CASP4: variants seen among roughly 807,000 people sequenced by gnomAD.
CASP4 encodes caspase 4, also known as caspase-4.
CASP4 carries 29 observed loss-of-function variants against 41.3 expected under a neutral mutation model. The observed-to-expected ratio is 0.70, with a 90% CI of 0.52 to 0.96. CASP4 has a LOEUF of 0.96. CASP4 is among the 40% of genes least tolerant of loss of function. The pLI is 0.00. For missense variants in CASP4, 447 were observed against 460.6 expected, an observed-to-expected ratio of 0.97 and a Z score of 0.27; for synonymous variants, 185 against 158.4, an observed-to-expected ratio of 1.17 and a Z score of -1.26.
intron 1 of CASP4, among the ~76,000 whole-genome samples, chr11:104,965,030 C>T (rs1308263642): frequency 5.9e-5 from 9 of 152,162 alleles, no homozygotes; most frequent in Non-Finnish European, 1.3e-4. Flanking sequence ...AAAATAGGGT[C>T]TGGAGAGAAA....
chr11:104,958,805 A>G (rs1860793887), intron 1 of CASP4, among the ~76,000 whole-genome samples: 1 of 151,946 alleles, frequency 6.6e-6, no homozygotes, highest in Non-Finnish European at 1.5e-5. Flanking sequence ...TAGTAAAAAT[A>G]CAAAAATTAG....
intron 5 of CASP4, 23 bp from the exon 6 acceptor site, chr11:104,948,699 C>T (rs1165486599): frequency 1.3e-6 from 2 of 1,568,870 alleles, no homozygotes; most frequent in Middle Eastern, 3.4e-4. Context: ...TAACTTTCTG[C>T]ACACTGCTGT....
At chr11:104,967,736 GATTGCTGCGATATGTT>G (rs1190970051) in intron 1 of CASP4, among the ~76,000 whole-genome samples, 2 of 152,168 alleles carry the variant, frequency 1.3e-5, no homozygotes, top group African/African-American at 4.8e-5. Context: ...TATGACTACA[GATTGCTGCGATATGTT>G]ATAAGGTTTA....
chr11:104,944,966 A>C (rs1860420233), intron 7 of CASP4, 115 bp from the exon 8 acceptor site: 1 of 730,250 alleles, frequency 1.4e-6, no homozygotes, highest in South Asian at 1.6e-5. Flanking sequence ...GTTTCATAGA[A>C]CCAAGCCCAT....
At position 104,945,362 on chromosome 11, in the gene CASP4, C is replaced by T. The variant is rs940500533; in HGVS notation, c.1036-511G>A. ...CCGCCTCCAGAGTTCAAGCAATTCT[C>T]CTGCCTCAGCCTCCCAAGTAGCTGA... On this transcript the variant is annotated intron_variant, in intron 7 of 8. Coordinates refer to ENST00000444739, the MANE Select transcript of CASP4 (RefSeq NM_001225.4). Among the ~76,000 whole-genome samples, 9 of 151,838 alleles carry T rather than the reference C, an allele frequency of 5.9e-5. No individual in the cohort carries two copies. In the South Asian group the frequency reaches 1.2e-3, roughly 21 times the overall value.
chr11:104,954,215 AAC>A (rs530915259), intron 2 of CASP4, among the ~76,000 whole-genome samples: 18 of 152,174 alleles, frequency 1.2e-4, no homozygotes, highest in Admixed American at 2.0e-4. Context: ...ATGCCAGCAA[AAC>A]ACTCAAGTAG....
intron 1 of CASP4, among the ~76,000 whole-genome samples, chr11:104,960,438 G>A (rs1183090960): frequency 6.6e-6 from 1 of 151,574 alleles, no homozygotes; most frequent in Non-Finnish European, 1.5e-5. Flanking sequence ...TATCTCCTTA[G>A]AGTAGCATTT....
In CASP4 at chr11:104,959,493, A is replaced by G. The variant is rs1471989729; in HGVS notation, c.8-4492T>C. The stretch of plus-strand genomic sequence containing the variant: ...AAAAGTATGGCCTGAGGTATAATCT[A>G]CACATTCTGATGGCATCCATTATAT... On this transcript the variant is annotated intron_variant, in intron 1 of 8. Transcript: ENST00000444739. Among the ~76,000 whole-genome samples, 6 of 152,320 alleles carry G rather than the reference A, an allele frequency of 3.9e-5. 1 individual carries two copies. The highest frequency in any genetic ancestry group is 3.4e-3 in the Middle Eastern group (1 of 294).
chr11:104,948,988 A>T (rs536476991), intron 5 of CASP4: 56 of 208,736 alleles, frequency 2.7e-4, no homozygotes, highest in African/African-American at 1.1e-3. Context: ...TCCTGGCCTC[A>T]AGCCATCCTC....
rs1311501013 is a variant in CASP4 at position 104,947,270 on chromosome 11, T to C, written c.926-78A>G. 6 of 871,634 alleles carry C rather than the reference T, an allele frequency of 6.9e-6. No homozygotes were observed. In the African/African-American group the frequency reaches 8.5e-5, roughly 12 times the overall value. 54.0% of individuals were successfully genotyped at this position (871,634 alleles called of 1,614,324 possible). A position where few individuals can be genotyped will look rare whatever the true frequency, so the allele number is the denominator to read the frequency against. On this transcript the variant is annotated intron_variant, in intron 6 of 8. Coordinates refer to ENST00000444739, the MANE Select transcript of CASP4 (RefSeq NM_001225.4). ...GTTCATATTTTTGTTTTGAGAATGT[T>C]TTTAAAAAGAAAAGCATAGCTTGGG...
intron 5 of CASP4, chr11:104,949,175 G>A (rs886905284): frequency 3.2e-6 from 1 of 308,984 alleles, no homozygotes; most frequent in Non-Finnish European, 6.1e-6. Flanking sequence ...TTACATAATG[G>A]CCCCAGTTTC....
intron 8 of CASP4, 49 bp from the exon 9 acceptor site, chr11:104,943,022 C>G (rs1420500591): frequency 2.2e-6 from 1 of 453,306 alleles, no homozygotes; most frequent in East Asian, 7.0e-5. Flanking sequence ...CCCCTTGCTG[C>G]CTTCATCCCA....
rs1460229508 is a variant in CASP4 at position 104,951,941 on chromosome 11, A to G, written c.327T>C (p.Cys109=). Residue 109 remains cysteine (C), a synonymous_variant, in exon 3 of 9, where the codon TGT becomes TGC. Transcript: ENST00000444739. ...SGESTDALKL[C]PHEEFLRLCK... ...ATAGTCTCAGGAATTCTTCATGAGGACAAAGCTTGAGGGCATCTGTAGATT... is the reference window on the plus strand; with the variant it reads ...ATAGTCTCAGGAATTCTTCATGAGGGCAAAGCTTGAGGGCATCTGTAGATT... 1 of 1,613,002 alleles carries G rather than the reference A, an allele frequency of 6.2e-7. No individual in the cohort carries two copies. Among genetic ancestry groups the G allele is most frequent in the Non-Finnish European group, 8.5e-7 (1 of 1,179,402 alleles).
At position 104,944,824 on chromosome 11, in the gene CASP4, C is replaced by T; in HGVS notation, c.1063G>A (p.Ala355Thr). ...TCTATGGTGGGCATTTGAGCTTTGG[C>T]CCTTGGAGTTTCAAATGATTGCTGT... ...KVQQSFETPR[A>T]KAQMPTIERL... Residue 355 changes from alanine to threonine, a missense_variant, in exon 8 of 9, where the codon GCC becomes ACC. Transcript: ENST00000444739. 6.2e-7 allele frequency: 1 copy of T among 1,613,164 alleles called. No homozygotes were observed. Among genetic ancestry groups the T allele is most frequent in the Non-Finnish European group, 8.5e-7 (1 of 1,179,266 alleles).
rs55894100 is a variant in CASP4, at chr11:104,947,656, G to A, written c.926-464C>T. The A allele has an allele frequency of 3.8e-3, 574 of 152,524 alleles. 1 individual carries two copies. The highest frequency in any genetic ancestry group is 0.01 in the Middle Eastern group (3 of 294). The allele number at this position is 152,524 out of a possible 1,614,324, so 9.4% of individuals were successfully genotyped here. The stretch of plus-strand genomic sequence containing the variant: ...AGATTATGCCACACTGTCTTTCACC[G>A]TATAATAGAAATAGATGAACACATG... On this transcript the variant is annotated intron_variant, in intron 6 of 8. Coordinates refer to ENST00000444739, the MANE Select transcript of CASP4 (RefSeq NM_001225.4).
chr11:104,962,838 G>A (rs1018677922), intron 1 of CASP4, among the ~76,000 whole-genome samples: 1 of 152,124 alleles, frequency 6.6e-6, no homozygotes, highest in African/African-American at 2.4e-5. Context: ...TCTATTCTTG[G>A]CTTCTGGAAC....
In CASP4 at chr11:104,961,585, G is replaced by C. The variant is rs1308760480; in HGVS notation, c.8-6584C>G. 2.6e-5 allele frequency among the ~76,000 whole-genome samples: 4 copies of C among 152,170 alleles called. No homozygotes were observed. The East Asian group carries it at 7.7e-4, about 29-fold the overall frequency. On this transcript the variant is annotated intron_variant, in intron 1 of 8. Coordinates refer to ENST00000444739, the MANE Select transcript of CASP4 (RefSeq NM_001225.4). ...ATCTGTTCGGCTCCACTGGGGTCTT[G>C]GTTGGCTCTAACTAGTAGGAAGAGT... is the stretch of plus-strand genomic sequence containing the variant.
At chr11:104,949,402 T>G in intron 5 of CASP4, 141 bp downstream of exon 5, 1 of 868,492 alleles carries the variant, frequency 1.2e-6, no homozygotes, top group Non-Finnish European at 1.8e-6. Context: ...TACCAGACCC[T>G]TAGGTAGAGT....
intron 2 of CASP4, among the ~76,000 whole-genome samples, chr11:104,953,089 TTAGA>T (rs1565366354): frequency 6.6e-6 from 1 of 152,202 alleles, no homozygotes; most frequent in Non-Finnish European, 1.5e-5. Flanking sequence ...AAATTAGAAA[TTAGA>T]TAGAATTTCT....
Sources: gnomAD v4.1 joint callset for allele counts (sites outside exome capture counted in the v4.1 genomes callset) on GRCh38, gnomAD v4.1.1 for gene constraint, MANE v1.5 for transcripts, NCBI Gene and HGNC (gene_info 2026-07-23, HGNC 2026-07-21) for gene names.